The following CA5A variants were observed in gnomAD, a reference collection of about 807,000 sequenced individuals.
The protein encoded by CA5A is carbonic anhydrase 5A.
Under a neutral mutation model 37.1 loss-of-function variants are expected in CA5A, and 28 were observed. The ratio of observed to expected loss-of-function variants is 0.75; its 90% CI spans 0.56 to 1.03. The LOEUF (loss-of-function observed/expected upper bound fraction) is 1.03, where lower values mean the gene tolerates loss of function less well. CA5A is among the 50% of genes least tolerant of loss of function. The probability of loss-of-function intolerance (pLI) is 0.00; values close to 1 mark genes in which losing one functional copy is unlikely to be tolerated. For missense variants in CA5A, 444 were observed against 399.9 expected, an observed-to-expected ratio of 1.11 and a Z score of -0.94; for synonymous variants, 171 against 158.4, an observed-to-expected ratio of 1.08 and a Z score of -0.60.
rs1473535514 is a variant in CA5A, at chr16:87,920,147, A to G, written c.340+6601T>C. ...GCTGCAGTCTGCACAGGTGGAGTTA[A>G]ACAGGCCATAGCCAACTCACCCCTC... On this transcript the variant is annotated intron_variant, in intron 2 of 6. Coordinates refer to ENST00000649794, the MANE Select transcript of CA5A (RefSeq NM_001739.2). Among the ~76,000 whole-genome samples, 5 of 152,178 alleles carry G rather than the reference A, an allele frequency of 3.3e-5. No individual in the cohort carries two copies. The South Asian group carries it at 1.0e-3, about 31-fold the overall frequency.
intron 2 of CA5A, among the ~76,000 whole-genome samples, chr16:87,923,164 T>G (rs2056253744): frequency 1.3e-5 from 2 of 152,204 alleles, no homozygotes; most frequent in African/African-American, 4.8e-5. Context: ...GGCTTCTGTT[T>G]TGTGCCATGC....
Position 87,891,889 on chromosome 16 carries a change from C to T in CA5A, c.684G>A (p.Trp228Ter). 1.3e-6 allele frequency: 2 copies of T among 1,571,926 alleles called. No homozygotes were observed. The highest frequency in any genetic ancestry group is 1.2e-5 in the South Asian group (1 of 85,594). ...GGGTGGTGAGCGAGCCCGCGTAGGT[C>T]CAGTAATCCCAGCAGGTGGGCAGCA... ...STLLPTCWDY[W>*]TYAGSLTTPP... Residue 228 changes from tryptophan to a stop codon, truncating the protein, a stop_gained, in exon 6 of 7, where the codon TGG becomes TGA. Transcript: ENST00000649794. LOFTEE classifies it high-confidence loss of function.
chr16:87,908,431 AAG>A (rs1215244671), intron 2 of CA5A, among the ~76,000 whole-genome samples: 1 of 152,188 alleles, frequency 6.6e-6, no homozygotes, highest in East Asian at 1.9e-4. Context: ...CGTCTGTGTA[AAG>A]AGAGTTACTA....
chr16:87,903,647 G>A (rs554743708), intron 3 of CA5A, among the ~76,000 whole-genome samples: 1 of 152,300 alleles, frequency 6.6e-6, no homozygotes, highest in African/African-American at 2.4e-5. Context: ...TCACCTCTGG[G>A]TGTGAGATTA....
rs552991989 is a variant in CA5A, at chr16:87,890,474, C to G, written c.774+1325G>C. Among the ~76,000 whole-genome samples, 8 of 152,320 alleles carry G rather than the reference C, an allele frequency of 5.3e-5. No individual in the cohort carries two copies. The East Asian group carries it at 1.5e-3, about 29-fold the overall frequency. On this transcript the variant is annotated intron_variant, in intron 6 of 6. Coordinates refer to ENST00000649794, the MANE Select transcript of CA5A (RefSeq NM_001739.2). ...GAGATGAGCCAGAGATGCTAAGTCG[C>G]GCTGCGACTGCTGAGAAACGTCTGC...
In CA5A at chr16:87,891,259, A is replaced by G. The variant is rs548746577; in HGVS notation, c.774+540T>C. ...AAGGTGGGCAGATCACCTGAGGTCA[A>G]GAGTTCAAGACCAGCCTGGCCAACA... On this transcript the variant is annotated intron_variant, in intron 6 of 6. Transcript: ENST00000649794. 7.7e-3 allele frequency among the ~76,000 whole-genome samples: 1,174 copies of G among 151,668 alleles called. 4 individuals are homozygous for G. Among genetic ancestry groups the G allele is most frequent in the Non-Finnish European group, 0.012 (781 of 67,866 alleles).
intron 2 of CA5A, among the ~76,000 whole-genome samples, chr16:87,916,978 G>A (rs774140699): frequency 9.2e-5 from 14 of 151,996 alleles, no homozygotes; most frequent in African/African-American, 1.4e-4. Flanking sequence ...GGTGGTAGGC[G>A]CCTGTAGTCC....
chr16:87,891,080 C>T (rs1454400970), intron 6 of CA5A, among the ~76,000 whole-genome samples: 1 of 151,420 alleles, frequency 6.6e-6, no homozygotes, highest in African/African-American at 2.4e-5. Flanking sequence ...GGGCATGAGC[C>T]ATGACGCCCA....
chr16:87,929,859 G>A (rs1173556858), intron 1 of CA5A, among the ~76,000 whole-genome samples: 19 of 101,722 alleles, frequency 1.9e-4, no homozygotes, highest in East Asian at 2.9e-4. Flanking sequence ...GCAATACAGC[G>A]AGACTCCGTC....
chr16:87,924,246 C>A (rs920682212), intron 2 of CA5A: 28 of 985,326 alleles, frequency 2.8e-5, no homozygotes, highest in Non-Finnish European at 3.4e-5. Context: ...CAGCAAGCCC[C>A]ACACGGGAAG....
chr16:87,933,222 C>T (rs181912672), intron 1 of CA5A, among the ~76,000 whole-genome samples: 1 of 152,248 alleles, frequency 6.6e-6, no homozygotes, highest in African/African-American at 2.4e-5. Flanking sequence ...AATTTAGAAT[C>T]TTTGATTTCT....
intron 5 of CA5A, chr16:87,893,095 A>G (rs2055747984): frequency 1.5e-6 from 1 of 687,294 alleles, no homozygotes; most frequent in Non-Finnish European, 2.4e-6. Context: ...CTGAAGGAAC[A>G]GTTTGCCTAG....
chr16:87,884,755 C>T (rs968963364), downstream of CA5A: 2 of 151,808 alleles, frequency 1.3e-5, no homozygotes, highest in African/African-American at 4.8e-5. Flanking sequence ...AAGAAAAACA[C>T]TGTACTGATT....
intron 2 of CA5A, among the ~76,000 whole-genome samples, chr16:87,907,627 G>C (rs1410155411): frequency 6.6e-6 from 1 of 152,074 alleles, no homozygotes; most frequent in East Asian, 1.9e-4. Flanking sequence ...CACTCTTAGA[G>C]CAGAGGCTGT....
At chr16:87,923,495 G>A (rs1002247480) in intron 2 of CA5A, 3 of 968,146 alleles carry the variant, frequency 3.1e-6, no homozygotes, top group African/African-American at 1.8e-5. Context: ...GCCTGGCAGT[G>A]CTTTTAAAGG....
chr16:87,901,836 C>T, intron 5 of CA5A, 76 bp downstream of exon 5: 2 of 1,278,728 alleles, frequency 1.6e-6, no homozygotes, highest in East Asian at 2.6e-5. Flanking sequence ...ATCCACCTGC[C>T]TCAGCCTCCC....
intron 2 of CA5A, among the ~76,000 whole-genome samples, chr16:87,919,248 C>T (rs1445024652): frequency 6.6e-6 from 1 of 152,214 alleles, no homozygotes; most frequent in Admixed American, 6.5e-5. Flanking sequence ...GGTCCATGGC[C>T]AGGGTGCACG....
intron 2 of CA5A, chr16:87,923,773 T>A: frequency 1.0e-6 from 1 of 985,048 alleles, no homozygotes; most frequent in Non-Finnish European, 1.2e-6. Flanking sequence ...AAAATATCAG[T>A]GAGACCCACA....
At chr16:87,933,518 G>A (rs1453890834) in intron 1 of CA5A, among the ~76,000 whole-genome samples, 2 of 151,868 alleles carry the variant, frequency 1.3e-5, no homozygotes, top group South Asian at 2.1e-4. Flanking sequence ...TGGGATGATA[G>A]GTGTGTGCCA....
Sources: allele counts gnomAD v4.1 joint callset (sites outside exome capture counted in the v4.1 genomes callset), GRCh38; gene constraint gnomAD v4.1.1; transcripts MANE v1.5; gene names NCBI Gene and HGNC (gene_info 2026-07-23, HGNC 2026-07-21).